The following ZNF493 variants were observed in gnomAD, a reference collection of about 807,000 sequenced individuals.
ZNF493 encodes the protein zinc finger protein 493.
Under a neutral mutation model 12.2 loss-of-function variants are expected in ZNF493, and 11 were observed. The observed-to-expected ratio is 0.90, with a 90% CI of 0.57 to 1.50. The LOEUF is 1.50. Ranked by LOEUF, ZNF493 falls within the 40% of genes most tolerant of loss-of-function variation. The probability of loss-of-function intolerance (pLI) is 0.00; values close to 1 mark genes in which losing one functional copy is unlikely to be tolerated. For missense variants in ZNF493, 950 were observed against 906.6 expected, an observed-to-expected ratio of 1.05 and a Z score of -0.61; for synonymous variants, 286 against 302.6, an observed-to-expected ratio of 0.95 and a Z score of 0.57.
At chr19:21,409,120 G>A (rs369355389) in intron 3 of ZNF493, among the ~76,000 whole-genome samples, 1 of 152,036 alleles carries the variant, frequency 6.6e-6, no homozygotes, top group East Asian at 1.9e-4. Flanking sequence ...TCCTGACCTC[G>A]TGATCTGCCT....
At chr19:21,409,668 C>G (rs1166531185) in intron 3 of ZNF493, among the ~76,000 whole-genome samples, 1 of 152,076 alleles carries the variant, frequency 6.6e-6, no homozygotes, top group Non-Finnish European at 1.5e-5. Context: ...TTACTTGAGC[C>G]TGGAAGTTTG....
At chr19:21,419,296 C>T (rs1164880537) in intron 3 of ZNF493, among the ~76,000 whole-genome samples, 2 of 145,072 alleles carry the variant, frequency 1.4e-5, no homozygotes, top group African/African-American at 5.2e-5. Flanking sequence ...CAAACTACAA[C>T]TTTTTTTGTC....
chr19:21,422,830 G>A (rs900751889), intron 3 of ZNF493, 83 bp from the exon 4 acceptor site: 3 of 1,266,406 alleles, frequency 2.4e-6, no homozygotes, highest in East Asian at 2.4e-5. Flanking sequence ...TATGCAGTTT[G>A]TATAATATTA....
chr19:21,415,600 GC>G (rs1236504975), intron 3 of ZNF493, among the ~76,000 whole-genome samples: 2 of 152,130 alleles, frequency 1.3e-5, no homozygotes, highest in African/African-American at 4.8e-5. Flanking sequence ...TCAAGTGGCG[GC>G]AGCACAAAGT....
In ZNF493 at chr19:21,424,732, C is replaced by A. The variant is rs371335967; in HGVS notation, c.2073C>A (p.Gly691=). Residue 691 remains glycine (G), a synonymous_variant, in exon 4 of 4, where the codon GGC becomes GGA. Transcript: ENST00000392288. ...AACCCTACAAATGTGAAAAATGTGG[C>A]AAAACTTTCTACCGATTCTCAAACC... ...EEKPYKCEKC[G]KTFYRFSNLN... 1 of 1,613,128 alleles carries A rather than the reference C, an allele frequency of 6.2e-7. No individual in the cohort carries two copies. The highest frequency in any genetic ancestry group is 8.5e-7 in the Non-Finnish European group (1 of 1,179,586).
intron 3 of ZNF493, among the ~76,000 whole-genome samples, chr19:21,418,336 G>A (rs1020755441): frequency 3.3e-5 from 5 of 152,170 alleles, no homozygotes; most frequent in Non-Finnish European, 4.4e-5. Flanking sequence ...TTATCAGTGT[G>A]AAAAAGTTCC....
At chr19:21,398,638 C>T in intron 1 of ZNF493, 1 of 421,826 alleles carries the variant, frequency 2.4e-6, no homozygotes, top group South Asian at 1.8e-5. Flanking sequence ...AGTGTATCCT[C>T]TCAAGGGAGC....
rs566340178 is a variant in ZNF493 at position 21,408,888 on chromosome 19, T to C, written c.253+3032T>C. 9.0e-3 allele frequency: 8,273 copies of C among 914,582 alleles called. 388 individuals carry two copies. The African/African-American group carries it at 0.13, about 14-fold the overall frequency. The allele number at this position is 914,582 out of a possible 1,614,324, so 56.7% of individuals were successfully genotyped here. A position where few individuals can be genotyped will look rare whatever the true frequency, so the allele number is the denominator to read the frequency against. ...TATATTCTTTCTTTCTTTCTTTTTT[T>C]TTTTTTTTTTTTAAGGTGGAGTCTC... On this transcript the variant is annotated intron_variant, in intron 3 of 3. Transcript: ENST00000392288.
intron 3 of ZNF493, among the ~76,000 whole-genome samples, chr19:21,421,281 T>C (rs550220442): frequency 6.6e-6 from 1 of 152,288 alleles, no homozygotes; most frequent in Non-Finnish European, 1.5e-5. Context: ...AGTTTTCTGA[T>C]TTTCTGTAGT....
In ZNF493 at chr19:21,423,616, A is replaced by C. The variant is rs539499957; in HGVS notation, c.957A>C (p.Lys319Asn). 1.2e-6 allele frequency: 2 copies of C among 1,609,218 alleles called. No individual in the cohort carries two copies. Among genetic ancestry groups the C allele is most frequent in the East Asian group, 2.2e-5 (1 of 44,726 alleles). Residue 319 changes from lysine to asparagine, a missense_variant, in exon 4 of 4, where the codon AAA (lysine) becomes AAC (asparagine). Lys to Asn is a moderately conservative substitution (Grantham distance 94). Coordinates refer to ENST00000392288, the MANE Select transcript of ZNF493 (RefSeq NM_001076678.3). ...ATAAGATAATTCATAATGGAGAAAA[A>C]CCCTATAAATGTGAAGAATGTGGCA... ...TGHKIIHNGE[K>N]PYKCEECGKA...
In ZNF493 at chr19:21,423,794, T is replaced by C. The variant is rs374809432; in HGVS notation, c.1135T>C (p.Cys379Arg). ...RIHTGEKPYK[C>R]EECGKAFSIF... Reference sequence around the variant, plus strand: ...TCATACTGGAGAGAAACCCTACAAATGTGAAGAATGTGGCAAAGCCTTTAG... The same window carrying C: ...TCATACTGGAGAGAAACCCTACAAACGTGAAGAATGTGGCAAAGCCTTTAG... The change falls in exon 4 of 4, where the codon TGT becomes CGT. Residue 379 changes from cysteine to arginine, a missense_variant. By Grantham distance (180) the Cys-to-Arg change is radical. Coordinates refer to ENST00000392288, the MANE Select transcript of ZNF493 (RefSeq NM_001076678.3). 10 of 1,613,128 alleles carry C rather than the reference T, an allele frequency of 6.2e-6. No individual in the cohort carries two copies. The highest frequency in any genetic ancestry group is 8.5e-6 in the Non-Finnish European group (10 of 1,179,460).
At chr19:21,398,245 A>G (rs901033054) in intron 1 of ZNF493, 3 of 152,856 alleles carry the variant, frequency 2.0e-5, no homozygotes, top group Admixed American at 1.3e-4. Flanking sequence ...ACTTTTTTAT[A>G]CCATATTTTA....
intron 3 of ZNF493, chr19:21,407,599 T>A (rs1169685408): frequency 1.0e-6 from 1 of 977,766 alleles, no homozygotes; most frequent in East Asian, 1.1e-4. Context: ...TAATAAAAAT[T>A]TTTTTATTTC....
intron 3 of ZNF493, among the ~76,000 whole-genome samples, chr19:21,417,089 G>T (rs951420565): frequency 2.6e-5 from 4 of 152,166 alleles, no homozygotes; most frequent in African/African-American, 9.7e-5. Flanking sequence ...GGCCCCTCAT[G>T]GCATTTCCCA....
chr19:21,414,391 T>C (rs986395969), intron 3 of ZNF493: 2 of 152,232 alleles, frequency 1.3e-5, no homozygotes, highest in African/African-American at 4.8e-5. Flanking sequence ...CATTTGAGAC[T>C]AGAGGCATTA....
At position 21,422,619 on chromosome 19, in the gene ZNF493, T is replaced by C. The variant is rs148346885; in HGVS notation, c.254-294T>C. ...TGGGAATTTACTTCTAAAGGCATTA[T>C]GTTATATTGGGAAGCAGGAATAGCC... On this transcript the variant is annotated intron_variant, in intron 3 of 3. Coordinates refer to ENST00000392288, the MANE Select transcript of ZNF493 (RefSeq NM_001076678.3). Among the ~76,000 whole-genome samples, 332 of 152,020 alleles carry C rather than the reference T, an allele frequency of 2.2e-3. 2 individuals are homozygous for C. Among genetic ancestry groups the C allele is most frequent in the African/African-American group, 7.6e-3 (316 of 41,496 alleles).
intron 3 of ZNF493, among the ~76,000 whole-genome samples, chr19:21,411,059 G>C (rs1195700939): frequency 6.6e-6 from 1 of 152,050 alleles, no homozygotes; most frequent in Non-Finnish European, 1.5e-5. Flanking sequence ...CAAAGTGCTA[G>C]GATTACAGAC....
intron 1 of ZNF493, among the ~76,000 whole-genome samples, chr19:21,403,795 T>C (rs1447922840): frequency 6.6e-6 from 1 of 152,224 alleles, no homozygotes; most frequent in Admixed American, 6.5e-5. Context: ...TTAACTACTT[T>C]AGAAAATTCT....
chr19:21,427,502 G>A lies in ZNF493; in HGVS notation c.*2518G>A, dbSNP rs1381722414. The A allele has an allele frequency of 6.6e-6, 1 of 151,880 alleles. No individual in the cohort carries two copies. The highest frequency in any genetic ancestry group is 1.5e-5 in the Non-Finnish European group (1 of 68,006). The allele number at this position is 151,880 out of a possible 1,614,324, so 9.4% of individuals were successfully genotyped here. On this transcript the variant is annotated 3_prime_UTR_variant, in exon 4 of 4. Transcript: ENST00000392288. ...CATTTTAAAAAATTTTAAATTCTGT[G>A]TGAAGGTAACTGTTTCAACATTTTT...
Sources: gnomAD v4.1 joint callset for allele counts (sites outside exome capture counted in the v4.1 genomes callset) on GRCh38, gnomAD v4.1.1 for gene constraint, MANE v1.5 for transcripts, NCBI Gene and HGNC (gene_info 2026-07-23, HGNC 2026-07-21) for gene names.